The following SGK1 variants were observed in gnomAD, a reference collection of about 807,000 sequenced individuals.
SGK1 encodes the protein serine/threonine-protein kinase Sgk1.
A neutral mutation model predicts 64.2 loss-of-function variants in SGK1; 26 were observed. The ratio of observed to expected loss-of-function variants is 0.40; its 90% CI spans 0.30 to 0.56. The LOEUF (loss-of-function observed/expected upper bound fraction) is 0.56. SGK1 is among the 20% of genes least tolerant of loss of function. The pLI is 0.38. For synonymous variants in SGK1, 265 were observed against 239.7 expected (o/e 1.11, Z -0.98); for missense variants, 519 against 645.6 (o/e 0.80, Z 2.12).
At chr6:134,292,364 G>A (rs180734113) in intron 1 of SGK1, among the ~76,000 whole-genome samples, 75 of 152,104 alleles carry the variant, frequency 4.9e-4, no homozygotes, top group Non-Finnish European at 8.8e-4. Context: ...AGGCCGAGGC[G>A]GGTGGATCAC....
intron 2 of SGK1, among the ~76,000 whole-genome samples, chr6:134,244,567 G>T (rs1187844837): frequency 1.3e-5 from 2 of 152,146 alleles, no homozygotes; most frequent in Admixed American, 6.5e-5. Flanking sequence ...CTACGGGAGA[G>T]AGTTCCCCGA....
intron 1 of SGK1, among the ~76,000 whole-genome samples, chr6:134,314,432 A>G (rs1777648805): frequency 6.6e-6 from 1 of 152,190 alleles, no homozygotes. Flanking sequence ...AAAAGTCTGG[A>G]TTACGTATAC....
intron 1 of SGK1, among the ~76,000 whole-genome samples, chr6:134,290,195 A>G (rs139446344): frequency 6.6e-6 from 1 of 150,528 alleles, no homozygotes; most frequent in East Asian, 2.0e-4. Flanking sequence ...ATGTTGGCAT[A>G]CATCTGTAGT....
rs55961794 is a variant in SGK1 at position 134,317,736 on chromosome 6, T to C, written c.-276A>G. The C allele has an allele frequency of 0.019, 7,105 of 381,180 alleles. 90 individuals are homozygous for C. The highest frequency in any genetic ancestry group is 0.024 in the Non-Finnish European group (5,057 of 211,024). The allele number at this position is 381,180 out of a possible 1,614,324, so 23.6% of individuals were successfully genotyped here. A position where few individuals can be genotyped will look rare whatever the true frequency, so the allele number is the denominator to read the frequency against. On this transcript the variant is annotated 5_prime_UTR_variant, in exon 1 of 14. Transcript: ENST00000367858. ...CTGCAGGACCCTGGGGGCCGGACGG[T>C]GGGATACGGCCAATCTCCGGGGAGA...
chr6:134,277,485 C>G (rs1223518280), intron 1 of SGK1, among the ~76,000 whole-genome samples: 1 of 152,072 alleles, frequency 6.6e-6, no homozygotes, highest in Non-Finnish European at 1.5e-5. Flanking sequence ...ACGAAATGAC[C>G]AGGGTCCTGG....
At chr6:134,258,526 G>A (rs547227349) in intron 2 of SGK1, among the ~76,000 whole-genome samples, 28 of 152,290 alleles carry the variant, frequency 1.8e-4, no homozygotes, top group African/African-American at 6.3e-4. Context: ...CCAACATGGT[G>A]AAACTCTGTC....
At chr6:134,296,396 C>T (rs1193014543) in intron 1 of SGK1, among the ~76,000 whole-genome samples, 2 of 152,132 alleles carry the variant, frequency 1.3e-5, no homozygotes, top group Non-Finnish European at 2.9e-5. Flanking sequence ...TTCAGCCTTC[C>T]AAGTAGTTAG....
chr6:134,222,565 A>T (rs1050674443), intron 2 of SGK1, among the ~76,000 whole-genome samples: 2 of 151,786 alleles, frequency 1.3e-5, no homozygotes, highest in African/African-American at 4.8e-5. Context: ...CAAACTCCTG[A>T]CCTCAGGTGA....
intron 4 of SGK1, 48 bp downstream of exon 4, chr6:134,174,463 G>T: frequency 7.1e-7 from 1 of 1,404,764 alleles, no homozygotes; most frequent in Non-Finnish European, 1.0e-6. Flanking sequence ...TTTACCGCTG[G>T]CAAATTCAAA....
intron 1 of SGK1, among the ~76,000 whole-genome samples, chr6:134,288,683 A>G (rs973655704): frequency 1.3e-5 from 2 of 148,938 alleles, no homozygotes; most frequent in African/African-American, 2.5e-5. Flanking sequence ...TCATAAAATT[A>G]CAGAGGCGGT....
intron 1 of SGK1, among the ~76,000 whole-genome samples, chr6:134,308,782 C>A (rs2114800252): frequency 6.6e-6 from 1 of 152,296 alleles, no homozygotes; most frequent in Admixed American, 6.5e-5. Context: ...GTCTCAAACT[C>A]CTGACCTCAG....
intron 2 of SGK1, among the ~76,000 whole-genome samples, chr6:134,209,911 A>T (rs1050173220): frequency 1.3e-5 from 2 of 152,228 alleles, no homozygotes; most frequent in African/African-American, 4.8e-5. Flanking sequence ...TTCTGACCTC[A>T]GGTAATCCGC....
At chr6:134,195,865 T>C (rs982130932) in intron 3 of SGK1, among the ~76,000 whole-genome samples, 1 of 152,162 alleles carries the variant, frequency 6.6e-6, no homozygotes, top group Admixed American at 6.5e-5. Context: ...AAAACAAGTT[T>C]GGGGTCCAGT....
chr6:134,261,718 T>C (rs539142568), intron 2 of SGK1: 1 of 615,642 alleles, frequency 1.6e-6, no homozygotes, highest in Admixed American at 2.9e-5. Flanking sequence ...TTCTGCTCAA[T>C]GTTGCTGTGA....
chr6:134,185,815 T>TGTAA (rs1052164574), intron 3 of SGK1, among the ~76,000 whole-genome samples: 23 of 152,142 alleles, frequency 1.5e-4, no homozygotes, highest in Admixed American at 9.2e-4. Flanking sequence ...GGGCTGCTGG[T>TGTAA]GTAAGTCCTA....
chr6:134,183,064 A>G (rs116824162), intron 3 of SGK1, among the ~76,000 whole-genome samples: 3,162 of 152,276 alleles, frequency 0.021, 115 homozygotes, highest in African/African-American at 0.072. Context: ...TAGGTCAATA[A>G]GCTTATCCTG....
chr6:134,270,167 C>T (rs1299712682), intron 1 of SGK1, among the ~76,000 whole-genome samples: 1 of 147,944 alleles, frequency 6.8e-6, no homozygotes, highest in African/African-American at 2.4e-5. Context: ...GTGATCCATC[C>T]ACCTTGGCCT....
Position 134,185,077 on chromosome 6 carries a change from T to A in SGK1, c.362-10491A>T, listed in dbSNP as rs77637793. Among the ~76,000 whole-genome samples the A allele has an allele frequency of 1.3e-3, 198 of 152,362 alleles. 5 individuals carry two copies. In the East Asian group the frequency reaches 0.034, roughly 26 times the overall value. ...GTGCTTGAGAAATAAAATGCTTTCA[T>A]AATGGTTTGCATTAAACCCCCTCTA... On this transcript the variant is annotated intron_variant, in intron 3 of 13. Coordinates refer to ENST00000367858, the MANE Select transcript of SGK1 (RefSeq NM_001143676.3).
chr6:134,239,454 C>T (rs1326722534), intron 2 of SGK1, among the ~76,000 whole-genome samples: 1 of 152,212 alleles, frequency 6.6e-6, no homozygotes, highest in Non-Finnish European at 1.5e-5. Context: ...CTCTGTCTAA[C>T]CTTTCAGCAA....
Sources: gnomAD v4.1 joint callset for allele counts (sites outside exome capture counted in the v4.1 genomes callset) on GRCh38, gnomAD v4.1.1 for gene constraint, MANE v1.5 for transcripts, NCBI Gene and HGNC (gene_info 2026-07-23, HGNC 2026-07-21) for gene names.